CEACAM20: variants seen among roughly 807,000 people sequenced by gnomAD.
CEACAM20 encodes cell adhesion molecule CEACAM20.
Under a neutral mutation model 61.2 loss-of-function variants are expected in CEACAM20, and 50 were observed. That is an observed-to-expected ratio of 0.82 (90% CI 0.65 to 1.03). The LOEUF (loss-of-function observed/expected upper bound fraction) is 1.03, where lower values mean the gene tolerates loss of function less well. Among genes scored for constraint, CEACAM20 ranks in the 50% least tolerant of loss-of-function variants. CEACAM20 has a pLI of 0.00. For synonymous variants in CEACAM20, 282 were observed against 287.7 expected (o/e 0.98, Z 0.20); for missense variants, 683 against 736.4 (o/e 0.93, Z 0.84).
chr19:44,511,085 A>T lies in CEACAM20; in HGVS notation c.1682T>A (p.Met561Lys). The T allele has an allele frequency of 6.2e-7, 1 of 1,613,976 alleles. No individual in the cohort carries two copies. The highest frequency in any genetic ancestry group is 8.5e-7 in the Non-Finnish European group (1 of 1,179,878). The change falls in exon 11 of 12, where the codon ATG becomes AAG. Residue 561 changes from methionine (M) to lysine (K), a missense_variant. Coordinates refer to ENST00000614924, the MANE Select transcript of CEACAM20 (RefSeq NM_001102597.3). Reference protein sequence around the residue: ...SPWKPPPKPLMPPLRLVSTVP... With the variant: ...SPWKPPPKPLKPPLRLVSTVP... ...AGTGGAGACCAATCTGAGTGGGGGC[A>T]TCAGAGGTTTGGGTGGTGGCTTCCA...
At position 44,525,244 on chromosome 19, in the gene CEACAM20, G is replaced by A. The variant is rs1330562971; in HGVS notation, c.53C>T (p.Ala18Val). The change falls in exon 2 of 12, where the codon GCC becomes GTC. Residue 18 changes from alanine to valine, a missense_variant and splice_region_variant. Transcript: ENST00000614924. ...GHHWMGILLS[A>V]SLCTVWSPPA... ...AGGACTCCATACGGTACAAAGCGAG[G>A]CTACAAGGGGAGAGAGGAGGCATTC... 1.9e-6 allele frequency: 3 copies of A among 1,574,884 alleles called. No individual in the cohort carries two copies. Among genetic ancestry groups the A allele is most frequent in the Non-Finnish European group, 2.6e-6 (3 of 1,163,116 alleles).
In CEACAM20 at chr19:44,511,083, G is replaced by T. The variant is rs1029689212; in HGVS notation, c.1684C>A (p.Pro562Thr). The T allele has an allele frequency of 5.0e-6, 8 of 1,613,810 alleles. No individual in the cohort carries two copies. Among genetic ancestry groups the T allele is most frequent in the African/African-American group, 2.7e-5 (2 of 74,908 alleles). ...PWKPPPKPLMPPLRLVSTVPK... is the reference protein window; with the variant it reads ...PWKPPPKPLMTPLRLVSTVPK... ...ACAGTGGAGACCAATCTGAGTGGGG[G>T]CATCAGAGGTTTGGGTGGTGGCTTC... is the stretch of plus-strand genomic sequence containing the variant. The change falls in exon 11 of 12, where the codon CCC (proline) becomes ACC (threonine). Residue 562 changes from proline (P) to threonine (T), a missense_variant. Physicochemically the swap from Pro to Thr is conservative, Grantham distance 38. Transcript: ENST00000614924.
At chr19:44,524,481 C>T (rs150133869) in intron 2 of CEACAM20, among the ~76,000 whole-genome samples, 2,025 of 152,232 alleles carry the variant, frequency 0.013, 24 homozygotes, top group Non-Finnish European at 0.018. Context: ...AGTGATTGTG[C>T]AAGTGAGGCA....
intron 1 of CEACAM20, 98 bp downstream of exon 1, chr19:44,529,360 A>ACACG: frequency 1.2e-5 from 3 of 248,138 alleles, no homozygotes; most frequent in Non-Finnish European, 1.7e-5. Context: ...GAGTGCACAC[A>ACACG]CACACACACA....
At chr19:44,519,433 C>T (rs1971287419) in intron 5 of CEACAM20, among the ~76,000 whole-genome samples, 4 of 152,108 alleles carry the variant, frequency 2.6e-5, no homozygotes, top group Admixed American at 2.6e-4. Flanking sequence ...TAAAGAGGAG[C>T]AAAGACATGT....
intron 11 of CEACAM20, 30 bp from the exon 12 acceptor site, chr19:44,506,244 A>C (rs767551028): frequency 1.2e-6 from 2 of 1,605,824 alleles, no homozygotes; most frequent in African/African-American, 2.7e-5. Flanking sequence ...TGTGAGCTCC[A>C]TTTGCTAGGT....
rs1222568671 is a variant in CEACAM20, at chr19:44,512,003, G to T, written c.1575+14C>A. On this transcript the variant is annotated intron_variant, in intron 9 of 11. Coordinates refer to ENST00000614924, the MANE Select transcript of CEACAM20 (RefSeq NM_001102597.3). ...CAGGGGATCAAGGAGGGTTCCCTCT[G>T]CAGCATCACTCACCAGTTCGACTCT... is the stretch of plus-strand genomic sequence containing the variant. 6.2e-7 allele frequency: 1 copy of T among 1,604,426 alleles called. No homozygotes were observed. Among genetic ancestry groups the T allele is most frequent in the Non-Finnish European group, 8.5e-7 (1 of 1,175,224 alleles).
Position 44,519,770 on chromosome 19 carries a change from C to T in CEACAM20, c.1030+704G>A, listed in dbSNP as rs73042421. 2.0e-3 allele frequency among the ~76,000 whole-genome samples: 308 copies of T among 152,320 alleles called. 1 individual carries two copies. Among genetic ancestry groups the T allele is most frequent in the Non-Finnish European group, 3.7e-3 (254 of 68,032 alleles). On this transcript the variant is annotated intron_variant, in intron 5 of 11. Transcript: ENST00000614924. ...GGAGAAGCTCTTCAAAGACCTCCAA[C>T]GGCAGAAATGTAATTGACCAAGGGC...
At chr19:44,510,569 AAAG>A (rs1970949663) in intron 11 of CEACAM20, among the ~76,000 whole-genome samples, 3 of 46,052 alleles carry the variant, frequency 6.5e-5, no homozygotes, top group Admixed American at 2.7e-4. Context: ...AGAAAGAAAG[AAAG>A]AAAGAAAGAA....
At chr19:44,520,849 T>TAC in intron 4 of CEACAM20, 97 bp from the exon 5 acceptor site, 1 of 282,872 alleles carries the variant, frequency 3.5e-6, no homozygotes, top group Non-Finnish European at 4.6e-6. Flanking sequence ...TGCGTGCGTG[T>TAC]GTGTGTGTGT....
At chr19:44,522,992 A>C in intron 3 of CEACAM20, 80 bp from the exon 4 acceptor site, 4 of 1,216,664 alleles carry the variant, frequency 3.3e-6, no homozygotes, top group Non-Finnish European at 4.6e-6. Flanking sequence ...CGGATCAATA[A>C]ATACTTTATT....
chr19:44,512,787 C>A, intron 8 of CEACAM20, 81 bp downstream of exon 8: 1 of 1,162,072 alleles, frequency 8.6e-7, no homozygotes, highest in East Asian at 2.4e-5. Context: ...GACCTGGTGG[C>A]AAAGCTGGGA....
At chr19:44,511,301 C>A in intron 10 of CEACAM20, 146 bp from the exon 11 acceptor site, 2 of 1,198,152 alleles carry the variant, frequency 1.7e-6, no homozygotes, top group Non-Finnish European at 2.3e-6. Context: ...GGTTAGAACC[C>A]AGGCCCTTGC....
chr19:44,527,878 T>C (rs1328158444), intron 1 of CEACAM20, among the ~76,000 whole-genome samples: 1 of 152,260 alleles, frequency 6.6e-6, no homozygotes, highest in East Asian at 1.9e-4. Context: ...TTCTAGTTTC[T>C]GCCTTTTGTC....
intron 1 of CEACAM20, among the ~76,000 whole-genome samples, chr19:44,527,636 T>C (rs1971567718): frequency 6.6e-6 from 1 of 152,016 alleles, no homozygotes; most frequent in Non-Finnish European, 1.5e-5. Flanking sequence ...GCCGTTGTCC[T>C]ACCAGGAAGA....
intron 6 of CEACAM20, among the ~76,000 whole-genome samples, chr19:44,513,504 C>T (rs1051955834): frequency 7.3e-6 from 1 of 136,934 alleles, no homozygotes; most frequent in Non-Finnish European, 1.5e-5. Context: ...AGTGGAGTGG[C>T]GTGACCTCAG....
intron 6 of CEACAM20, among the ~76,000 whole-genome samples, chr19:44,515,567 A>T (rs1197372888): frequency 2.0e-5 from 3 of 152,236 alleles, no homozygotes; most frequent in African/African-American, 7.2e-5. Flanking sequence ...TGAAGAAACC[A>T]ACAGGCTCAC....
chr19:44,528,134 C>CTCTTTCTTTCTTT (rs1265282059), intron 1 of CEACAM20, among the ~76,000 whole-genome samples: 6 of 145,460 alleles, frequency 4.1e-5, no homozygotes, highest in South Asian at 2.2e-4. Context: ...CCACTGGTAT[C>CTCTTTCTTTCTTT]TCTTTCTTTC....
intron 8 of CEACAM20, among the ~76,000 whole-genome samples, chr19:44,512,410 C>T (rs1971029091): frequency 6.6e-6 from 1 of 152,118 alleles, no homozygotes; most frequent in South Asian, 2.1e-4. Flanking sequence ...TCTAGAAAGC[C>T]TTCCATATCA....
Sources: gnomAD v4.1 joint callset for allele counts (sites outside exome capture counted in the v4.1 genomes callset) on GRCh38, gnomAD v4.1.1 for gene constraint, MANE v1.5 for transcripts, NCBI Gene and HGNC (gene_info 2026-07-23, HGNC 2026-07-21) for gene names.